The following RYR2 variants were observed in gnomAD, a reference collection of about 807,000 sequenced individuals.
The protein encoded by RYR2 is cardiac muscle ryanodine receptor-calcium release channel.
A neutral mutation model predicts 601.1 loss-of-function variants in RYR2; 227 were observed. The observed-to-expected ratio is 0.38, with a 90% CI of 0.34 to 0.42. The LOEUF is 0.42. RYR2 is among the 10% of genes least tolerant of loss of function. The pLI is 1.00. For missense variants in RYR2, 4,646 were observed against 6,156.5 expected, an observed-to-expected ratio of 0.75 and a Z score of 8.21; for synonymous variants, 2,223 against 2,175.1, an observed-to-expected ratio of 1.02 and a Z score of -0.61.
At chr1:237,684,430 A>C (rs1293499937) in intron 62 of RYR2, among the ~76,000 whole-genome samples, 1 of 152,062 alleles carries the variant, frequency 6.6e-6, no homozygotes, top group Non-Finnish European at 1.5e-5. Flanking sequence ...GAGTGCTGGG[A>C]ATATAGAAGA....
intron 103 of RYR2, among the ~76,000 whole-genome samples, chr1:237,831,184 T>C (rs998507938): frequency 6.6e-6 from 1 of 152,098 alleles, no homozygotes; most frequent in Non-Finnish European, 1.5e-5. Context: ...GGAAAAAAAA[T>C]TGGCTTAACT....
intron 2 of RYR2, among the ~76,000 whole-genome samples, chr1:237,282,570 A>G (rs907117495): frequency 4.6e-5 from 7 of 152,190 alleles, no homozygotes; most frequent in African/African-American, 1.7e-4. Context: ...GAGATATGAT[A>G]GAGGCAAAGT....
At chr1:237,042,895 C>T (rs921879046) in intron 1 of RYR2, among the ~76,000 whole-genome samples, 1 of 152,110 alleles carries the variant, frequency 6.6e-6, no homozygotes, top group Non-Finnish European at 1.5e-5. Flanking sequence ...AGGGGACGGC[C>T]GGTCCGGCCT....
chr1:237,678,211 T>C (rs1685569068), intron 61 of RYR2, 99 bp downstream of exon 61: 1 of 685,106 alleles, frequency 1.5e-6, no homozygotes, highest in African/African-American at 1.8e-5. Flanking sequence ...TGTCTACAAA[T>C]GTGTATTTTA....
At chr1:237,124,511 G>C (rs1370368385) in intron 1 of RYR2, among the ~76,000 whole-genome samples, 1 of 152,210 alleles carries the variant, frequency 6.6e-6, no homozygotes, top group Non-Finnish European at 1.5e-5. Flanking sequence ...GGTGTTGGCA[G>C]AACTACATTT....
chr1:237,121,034 G>GTT (rs1464446633), intron 1 of RYR2: 1 of 151,484 alleles, frequency 6.6e-6, no homozygotes, highest in Non-Finnish European at 1.5e-5. Context: ...AAAATGCTGT[G>GTT]TGTGTGTGTG....
intron 51 of RYR2, among the ~76,000 whole-genome samples, chr1:237,653,031 T>C (rs1456829489): frequency 6.6e-6 from 1 of 152,236 alleles, no homozygotes; most frequent in Admixed American, 6.5e-5. Context: ...ATAAGATCAT[T>C]TTATTAATTT....
chr1:237,744,643 T>G (rs1372186054), intron 80 of RYR2, among the ~76,000 whole-genome samples: 1 of 150,364 alleles, frequency 6.7e-6, no homozygotes, highest in African/African-American at 2.5e-5. Context: ...GCGACAAGAG[T>G]GAAACTCCGT....
intron 57 of RYR2, among the ~76,000 whole-genome samples, chr1:237,667,383 G>C (rs973814982): frequency 2.6e-5 from 4 of 152,154 alleles, no homozygotes; most frequent in Admixed American, 2.0e-4. Context: ...ATCAAATGTA[G>C]AAAGAATCCG....
At chr1:237,185,429 C>CT (rs1219104016) in intron 1 of RYR2, among the ~76,000 whole-genome samples, 2 of 152,272 alleles carry the variant, frequency 1.3e-5, no homozygotes, top group Non-Finnish European at 2.9e-5. Flanking sequence ...CTCCATATAT[C>CT]TAAAACAGAA....
chr1:237,162,633 T>C (rs1676155506), intron 1 of RYR2, among the ~76,000 whole-genome samples: 1 of 152,098 alleles, frequency 6.6e-6, no homozygotes. Flanking sequence ...AAAATATGAT[T>C]ATAGGAGATC....
At chr1:237,328,879 C>A (rs1345725103) in intron 2 of RYR2, among the ~76,000 whole-genome samples, 1 of 152,014 alleles carries the variant, frequency 6.6e-6, no homozygotes, top group African/African-American at 2.4e-5. Flanking sequence ...ATTTATCCTC[C>A]CAGTGTTCTT....
Position 237,549,628 on chromosome 1 carries a change from C to CTTTT in RYR2, c.3067-891_3067-888dup, listed in dbSNP as rs57579159. ...AACCCCTGTGTGATTCCATAGCTTTCTTTTTTTTTTTTTTTTTTTTTTTTT... is the reference window on the plus strand; with the variant it reads ...AACCCCTGTGTGATTCCATAGCTTTCTTTTTTTTTTTTTTTTTTTTTTTTTTTTT... On this transcript the variant is annotated intron_variant, in intron 26 of 104. Transcript: ENST00000366574. Among the ~76,000 whole-genome samples, 13 of 77,732 alleles carry CTTTT rather than the reference C, an allele frequency of 1.7e-4. 1 individual carries two copies. Among genetic ancestry groups the CTTTT allele is most frequent in the African/African-American group, 3.7e-4 (7 of 19,050 alleles). The allele number at this position is 77,732 out of a possible 152,430, so 51.0% of individuals were successfully genotyped here.
At chr1:237,275,732 A>C (rs543430691) in intron 2 of RYR2, among the ~76,000 whole-genome samples, 175 of 152,326 alleles carry the variant, frequency 1.1e-3, no homozygotes, top group African/African-American at 4.0e-3. Flanking sequence ...TCAAAAATAG[A>C]ATATACCTTT....
At chr1:237,736,493 G>T (rs920248043) in intron 79 of RYR2, among the ~76,000 whole-genome samples, 2 of 150,970 alleles carry the variant, frequency 1.3e-5, no homozygotes, top group Non-Finnish European at 3.0e-5. Flanking sequence ...AAGGATAAAA[G>T]ATACAAAGGG....
intron 1 of RYR2, among the ~76,000 whole-genome samples, chr1:237,235,630 C>G (rs540492747): frequency 6.6e-6 from 1 of 152,238 alleles, no homozygotes; most frequent in South Asian, 2.1e-4. Flanking sequence ...TTGACAATTG[C>G]AATTGCAATA....
chr1:237,453,718 A>G (rs1420062399), intron 14 of RYR2, among the ~76,000 whole-genome samples: 2 of 152,186 alleles, frequency 1.3e-5, no homozygotes, highest in African/African-American at 4.8e-5. Flanking sequence ...CTTTTCAGAT[A>G]CATTCAAAGC....
intron 57 of RYR2, 46 bp from the exon 58 acceptor site, chr1:237,667,837 A>T (rs1336231353): frequency 1.4e-6 from 2 of 1,389,700 alleles, no homozygotes; most frequent in East Asian, 2.5e-5. Context: ...AAGCAATATT[A>T]TCCTTTTTTA....
chr1:237,337,820 C>CG (rs1365292383), intron 3 of RYR2, among the ~76,000 whole-genome samples: 4 of 152,112 alleles, frequency 2.6e-5, no homozygotes, highest in African/African-American at 7.2e-5. Context: ...TACCTGAAGC[C>CG]CCTAGCTATA....
Sources: gnomAD v4.1 joint callset for allele counts (sites outside exome capture counted in the v4.1 genomes callset) on GRCh38, gnomAD v4.1.1 for gene constraint, MANE v1.5 for transcripts, NCBI Gene and HGNC (gene_info 2026-07-23, HGNC 2026-07-21) for gene names.